MARCHF7: variants seen among roughly 807,000 people sequenced by gnomAD.
MARCHF7 encodes the protein membrane associated ring-CH-type finger 7, also known as E3 ubiquitin-protein ligase MARCHF7.
MARCHF7 carries 20 observed loss-of-function variants against 76.5 expected under a neutral mutation model. That is an observed-to-expected ratio of 0.26 (90% CI 0.18 to 0.38). The LOEUF is 0.38. MARCHF7 is among the 10% of genes least tolerant of loss of function. The probability of loss-of-function intolerance (pLI) is 1.00; values close to 1 mark genes in which losing one functional copy is unlikely to be tolerated. For synonymous variants in MARCHF7, 295 were observed against 293.0 expected, an observed-to-expected ratio of 1.01 and a Z score of -0.07; for missense variants, 797 against 812.9, an observed-to-expected ratio of 0.98 and a Z score of 0.24.
intron 8 of MARCHF7, among the ~76,000 whole-genome samples, chr2:159,757,569 T>A (rs992566848): frequency 1.3e-5 from 2 of 152,134 alleles, no homozygotes; most frequent in African/African-American, 4.8e-5. Flanking sequence ...TTTGAGCCCA[T>A]GAGCTAGAGG....
At position 159,767,864 on chromosome 2, in the gene MARCHF7, A is replaced by G. The variant is rs2125778478; in HGVS notation, c.*522A>G. On this transcript the variant is annotated 3_prime_UTR_variant, in exon 12 of 12. Coordinates refer to ENST00000409175, the MANE Select transcript of MARCHF7 (RefSeq NM_001282805.2). ...TTAAAAAAAGAATGGGGAGAAGGTT[A>G]TGAGAAGAGCATTATTAAGTTTCCA... 6.5e-6 allele frequency: 1 copy of G among 152,692 alleles called. No individual in the cohort carries two copies. The highest frequency in any genetic ancestry group is 6.5e-5 in the Admixed American group (1 of 15,292). 9.5% of individuals were successfully genotyped at this position (152,692 alleles called of 1,614,324 possible). A position where few individuals can be genotyped will look rare whatever the true frequency, so the allele number is the denominator to read the frequency against.
intron 3 of MARCHF7, among the ~76,000 whole-genome samples, chr2:159,727,480 T>C (rs1277094379): frequency 2.6e-5 from 4 of 152,002 alleles, no homozygotes; most frequent in Non-Finnish European, 5.9e-5. Flanking sequence ...CCCAGCTCCT[T>C]GGGAGGCTGA....
Position 159,747,835 on chromosome 2 carries a change from A to G in MARCHF7, c.545A>G (p.Gln182Arg). ...CAAGACAGAGTTCCTTCATATTCACAAGGAGCAAGACCAAAAGAAAACTCA... is the reference window on the plus strand; with the variant it reads ...CAAGACAGAGTTCCTTCATATTCACGAGGAGCAAGACCAAAAGAAAACTCA... The part of the protein sequence containing the change: ...YVQDRVPSYS[Q>R]GARPKENSMS... Residue 182 changes from glutamine (Q) to arginine (R), a missense_variant, in exon 7 of 12, where the codon CAA becomes CGA. Around this residue, in one of 3 missense-constraint regions of MARCHF7, gnomAD observed 643 missense variants for 631.5 expected, o/e 1.02. Transcript: ENST00000409175. 1.3e-6 allele frequency: 2 copies of G among 1,591,562 alleles called. No individual in the cohort carries two copies. Among genetic ancestry groups the G allele is most frequent in the Middle Eastern group, 1.7e-4 (1 of 5,922 alleles).
intron 4 of MARCHF7, chr2:159,733,979 T>C: frequency 7.6e-7 from 1 of 1,310,246 alleles, no homozygotes; most frequent in Non-Finnish European, 9.8e-7. Flanking sequence ...TAAGCTGCGC[T>C]TCACCTGCTA....
At chr2:159,741,413 T>G (rs530554267) in intron 4 of MARCHF7, among the ~76,000 whole-genome samples, 1 of 152,014 alleles carries the variant, frequency 6.6e-6, no homozygotes, top group Non-Finnish European at 1.5e-5. Context: ...TGTTGTTTAT[T>G]TGTAATGTCT....
Position 159,762,979 on chromosome 2 carries a change from A to T in MARCHF7, c.1993A>T (p.Ser665Cys). The T allele has an allele frequency of 1.2e-6, 2 of 1,611,190 alleles. No individual in the cohort carries two copies. Among genetic ancestry groups the T allele is most frequent in the Non-Finnish European group, 1.7e-6 (2 of 1,178,718 alleles). ...TATGATGGGAAATACAAATGAACCA[A>T]GCACACGTGTCCGAGTAAGTAATAA... is the stretch of plus-strand genomic sequence containing the variant. ...SDMMGNTNEP[S>C]TRVRFINLAR... Residue 665 changes from serine to cysteine, a missense_variant, in exon 10 of 12, where the codon AGC (serine) becomes TGC (cysteine). Around this residue, in one of 3 missense-constraint regions of MARCHF7, gnomAD observed 124 missense variants for 121.3 expected, o/e 1.02. Transcript: ENST00000409175.
rs1312320076 is a variant in MARCHF7, at chr2:159,752,442, T to C, written c.1654T>C (p.Cys552Arg). 1 of 1,604,988 alleles carries C rather than the reference T, an allele frequency of 6.2e-7. No individual in the cohort carries two copies. ...CTCAGAAGAAGAAGAAGGTGACTTA[T>C]GTAGAATTTGTCAAATGGCAGCTGC... ...EDSEEEEGDL[C>R]RICQMAAASS... Residue 552 changes from cysteine to arginine, a missense_variant, in exon 8 of 12, where the codon TGT (cysteine) becomes CGT (arginine). Physicochemically the swap from Cys to Arg is radical, Grantham distance 180. Transcript: ENST00000409175.
At chr2:159,749,998 T>C (rs1705427393) in intron 7 of MARCHF7, among the ~76,000 whole-genome samples, 2 of 152,238 alleles carry the variant, frequency 1.3e-5, no homozygotes. Context: ...AAATTTACTT[T>C]GATTCACAAG....
At chr2:159,720,138 TC>T (rs1701476160) in intron 3 of MARCHF7, among the ~76,000 whole-genome samples, 1 of 152,038 alleles carries the variant, frequency 6.6e-6, no homozygotes, top group African/African-American at 2.4e-5. Flanking sequence ...CGATTCTCCT[TC>T]CTCAGCCTCC....
intron 1 of MARCHF7, among the ~76,000 whole-genome samples, chr2:159,713,744 G>C (rs1700627462): frequency 6.6e-6 from 1 of 152,172 alleles, no homozygotes; most frequent in African/African-American, 2.4e-5. Context: ...AGACAGGACT[G>C]GTGCATGAGG....
rs1705250111 is a variant in MARCHF7 at position 159,748,973 on chromosome 2, CTTTTCTTTTT to C, written c.1613+75_1613+84del. On this transcript the variant is annotated intron_variant, in intron 7 of 11. Transcript: ENST00000409175. ...AAAGAACTCTTCATTTCTTTTTTTT[CTTTTCTTTTT>C]TTTTTTTTTTTTTGAGACGGAGTCT... 414 of 684,182 alleles carry C rather than the reference CTTTTCTTTTT, an allele frequency of 6.1e-4. 3 individuals are homozygous for C. Among genetic ancestry groups the C allele is most frequent in the South Asian group, 1.5e-3 (45 of 31,014 alleles). The allele number at this position is 684,182 out of a possible 1,614,324, so 42.4% of individuals were successfully genotyped here. A position where few individuals can be genotyped will look rare whatever the true frequency, so the allele number is the denominator to read the frequency against.
intron 9 of MARCHF7, among the ~76,000 whole-genome samples, chr2:159,759,887 A>G (rs975879519): frequency 1.3e-5 from 2 of 152,232 alleles, no homozygotes; most frequent in African/African-American, 4.8e-5. Flanking sequence ...GTTTGAGGCC[A>G]GGAGTTTGAG....
At chr2:159,759,503 A>ATTT in intron 9 of MARCHF7, 168 bp downstream of exon 9, 6 of 301,364 alleles carry the variant, frequency 2.0e-5, no homozygotes, top group East Asian at 1.6e-4. Flanking sequence ...GAATTTCATA[A>ATTT]TTTTTTTTTT....
intron 11 of MARCHF7, among the ~76,000 whole-genome samples, chr2:159,766,990 T>C (rs965982014): frequency 1.3e-5 from 2 of 151,986 alleles, no homozygotes; most frequent in African/African-American, 4.8e-5. Context: ...TGAACACAGA[T>C]TGATCTCAGA....
chr2:159,759,545 T>G (rs145743046), intron 9 of MARCHF7, among the ~76,000 whole-genome samples: 24 of 152,242 alleles, frequency 1.6e-4, no homozygotes, highest in African/African-American at 5.5e-4. Context: ...GGAAAGTTGT[T>G]CCAAAATAGG....
intron 3 of MARCHF7, 72 bp from the exon 4 acceptor site, chr2:159,728,937 A>C (rs1702471401): frequency 1.2e-6 from 1 of 850,044 alleles, no homozygotes; most frequent in African/African-American, 1.8e-5. Flanking sequence ...TGAGCTGATG[A>C]TTAAGGAGGA....
At chr2:159,713,123 G>A (rs533118753) in intron 1 of MARCHF7, among the ~76,000 whole-genome samples, 1 of 152,322 alleles carries the variant, frequency 6.6e-6, no homozygotes, top group South Asian at 2.1e-4. Flanking sequence ...CTTAGATTCG[G>A]CCAAGATTGT....
At chr2:159,759,150 T>C (rs1706693696) in intron 8 of MARCHF7, 76 bp from the exon 9 acceptor site, 1 of 800,728 alleles carries the variant, frequency 1.2e-6, no homozygotes, top group Non-Finnish European at 2.1e-6. Flanking sequence ...TATTTTAAGC[T>C]TAAAACTTAA....
At chr2:159,726,377 G>A (rs774429041) in intron 3 of MARCHF7, among the ~76,000 whole-genome samples, 2 of 151,944 alleles carry the variant, frequency 1.3e-5, no homozygotes, top group Non-Finnish European at 2.9e-5. Context: ...ATTCTCCTGC[G>A]TCAGCCCCCT....
Sources: allele counts gnomAD v4.1 joint callset (sites outside exome capture counted in the v4.1 genomes callset), GRCh38; gene constraint gnomAD v4.1.1; regional missense constraint gnomAD v4.1.1; transcripts MANE v1.5; gene names NCBI Gene and HGNC (gene_info 2026-07-23, HGNC 2026-07-21).